NPAS2: variants seen among roughly 807,000 people sequenced by gnomAD.
NPAS2 encodes neuronal PAS domain protein 2, also known as neuronal PAS domain-containing protein 2.
Under a neutral mutation model 107.5 loss-of-function variants are expected in NPAS2, and 23 were observed. That is an observed-to-expected ratio of 0.21 (90% confidence interval 0.15 to 0.30). NPAS2 has a LOEUF of 0.30. NPAS2 is among the 10% of genes least tolerant of loss of function. NPAS2 has a pLI of 1.00. For missense variants in NPAS2, 756 were observed against 1,043.3 expected, an observed-to-expected ratio of 0.72 and a Z score of 3.79; for synonymous variants, 403 against 417.5, an observed-to-expected ratio of 0.97 and a Z score of 0.42.
intron 16 of NPAS2, 163 bp downstream of exon 16, chr2:100,982,540 C>T: frequency 1.3e-6 from 1 of 781,730 alleles, no homozygotes; most frequent in South Asian, 1.8e-5. Flanking sequence ...GGACAAGGAA[C>T]AAATCCCGGT....
At chr2:100,949,980 A>C (rs1675129349) in intron 7 of NPAS2, among the ~76,000 whole-genome samples, 1 of 152,240 alleles carries the variant, frequency 6.6e-6, no homozygotes, top group Admixed American at 6.5e-5. Context: ...GCATTGGATG[A>C]ATTATCAAGC....
intron 1 of NPAS2, among the ~76,000 whole-genome samples, chr2:100,843,447 T>C (rs1352448990): frequency 1.3e-5 from 2 of 152,120 alleles, no homozygotes; most frequent in African/African-American, 4.8e-5. Flanking sequence ...AAGAAGCACA[T>C]TTTTAGATAA....
chr2:100,834,230 AG>A (rs1282972810), intron 1 of NPAS2, among the ~76,000 whole-genome samples: 2 of 152,138 alleles, frequency 1.3e-5, no homozygotes, highest in African/African-American at 4.8e-5. Context: ...CATAAGAATG[AG>A]GCTTTCTGGG....
chr2:100,854,846 C>T (rs1024533864), intron 1 of NPAS2, among the ~76,000 whole-genome samples: 1 of 152,224 alleles, frequency 6.6e-6, no homozygotes, highest in Non-Finnish European at 1.5e-5. Flanking sequence ...CCTGTCTCTA[C>T]AGCTGTGCAC....
chr2:100,837,221 T>C (rs1677123454), intron 1 of NPAS2, among the ~76,000 whole-genome samples: 2 of 152,230 alleles, frequency 1.3e-5, no homozygotes. Context: ...CAAATGGATC[T>C]GACAGTCTAA....
At chr2:100,855,567 C>A (rs1046358144) in intron 1 of NPAS2, among the ~76,000 whole-genome samples, 3 of 152,152 alleles carry the variant, frequency 2.0e-5, no homozygotes, top group Non-Finnish European at 4.4e-5. Context: ...GCATTTATTC[C>A]ACAATCCAGA....
intron 1 of NPAS2, among the ~76,000 whole-genome samples, chr2:100,892,994 A>G (rs767360582): frequency 1.3e-5 from 2 of 152,220 alleles, no homozygotes; most frequent in Non-Finnish European, 2.9e-5. Context: ...CTGGGATTAC[A>G]GGCATGAGCC....
At chr2:100,864,574 G>A (rs1679142981) in intron 1 of NPAS2, among the ~76,000 whole-genome samples, 1 of 152,154 alleles carries the variant, frequency 6.6e-6, no homozygotes, top group Admixed American at 6.5e-5. Flanking sequence ...CAAGGAACAT[G>A]GCATTGAAAA....
At chr2:100,844,619 T>A (rs894778710) in intron 1 of NPAS2, among the ~76,000 whole-genome samples, 2 of 152,170 alleles carry the variant, frequency 1.3e-5, no homozygotes, top group African/African-American at 4.8e-5. Flanking sequence ...TCTTTTTCAT[T>A]TAGCTCTTAT....
chr2:100,881,654 C>T (rs891253279), intron 1 of NPAS2, among the ~76,000 whole-genome samples: 1 of 152,096 alleles, frequency 6.6e-6, no homozygotes, highest in African/African-American at 2.4e-5. Flanking sequence ...GCACTGCACT[C>T]CAGCCTGGGC....
chr2:100,920,650 C>T (rs1467855790), intron 2 of NPAS2, among the ~76,000 whole-genome samples: 1 of 152,136 alleles, frequency 6.6e-6, no homozygotes, highest in East Asian at 1.9e-4. Flanking sequence ...GTGTCCTCAC[C>T]CAAGGACCCA....
At chr2:100,974,122 G>A (rs997873741) in intron 12 of NPAS2, among the ~76,000 whole-genome samples, 2 of 152,242 alleles carry the variant, frequency 1.3e-5, no homozygotes, top group Non-Finnish European at 2.9e-5. Context: ...GATTACAGGC[G>A]TGAGCCACCG....
In NPAS2 at chr2:100,932,925, C is replaced by G; in HGVS notation, c.197C>G (p.Thr66Arg). 1 of 1,613,514 alleles carries G rather than the reference C, an allele frequency of 6.2e-7. No homozygotes were observed. The highest frequency in any genetic ancestry group is 8.5e-7 in the Non-Finnish European group (1 of 1,179,448). The change falls in exon 4 of 21, where the codon ACG (threonine) becomes AGG (arginine). Residue 66 changes from threonine to arginine, a missense_variant. This residue lies in a region of NPAS2 where 146 missense variants were observed against 249.6 expected (regional missense o/e 0.58). Transcript: ENST00000335681. The part of the protein sequence containing the change: ...LQKHNEVSAQ[T>R]EICDIQQDWK... Reference sequence around the variant, plus strand: ...TCTTTTCTAGAAGTCTCAGCGCAAACGGAAATCTGTGACATTCAGCAAGAC... The same window carrying G: ...TCTTTTCTAGAAGTCTCAGCGCAAAGGGAAATCTGTGACATTCAGCAAGAC...
chr2:100,929,789 T>C (rs1010538567), intron 3 of NPAS2, among the ~76,000 whole-genome samples: 11 of 152,152 alleles, frequency 7.2e-5, no homozygotes. Flanking sequence ...GATTCCGGTG[T>C]GCAGTGAGGG....
chr2:100,915,252 C>A (rs1034571511), intron 2 of NPAS2, among the ~76,000 whole-genome samples: 1 of 152,162 alleles, frequency 6.6e-6, no homozygotes, highest in Non-Finnish European at 1.5e-5. Context: ...TGAAACCCTG[C>A]TGCTTTCTTC....
chr2:100,993,572 G>A (rs767323053), intron 20 of NPAS2, 45 bp downstream of exon 20: 40 of 1,393,602 alleles, frequency 2.9e-5, no homozygotes, highest in South Asian at 1.4e-4. Context: ...CCTGGGAGCC[G>A]GGCCACGCTC....
At chr2:100,869,755 G>A (rs1410415995) in intron 1 of NPAS2, among the ~76,000 whole-genome samples, 2 of 152,062 alleles carry the variant, frequency 1.3e-5, no homozygotes, top group Non-Finnish European at 2.9e-5. Flanking sequence ...CCAAGGATGG[G>A]CTTCATCTCT....
chr2:100,934,485 C>T (rs952405050), intron 4 of NPAS2, among the ~76,000 whole-genome samples: 3 of 152,106 alleles, frequency 2.0e-5, no homozygotes, highest in Non-Finnish European at 2.9e-5. Flanking sequence ...ATGCACTTTC[C>T]CTTGCTCCCG....
In NPAS2 at chr2:100,864,268, G is replaced by A. The variant is rs181686912; in HGVS notation, c.-22-40465G>A. Reference sequence around the variant, plus strand: ...CTGAATGTCAGAAAAACATTTTGTGGTTATTGTTTTAGTTGTTTACCAAAT... The same window carrying A: ...CTGAATGTCAGAAAAACATTTTGTGATTATTGTTTTAGTTGTTTACCAAAT... On this transcript the variant is annotated intron_variant, in intron 1 of 20. Coordinates refer to ENST00000335681, the MANE Select transcript of NPAS2 (RefSeq NM_002518.4). Among the ~76,000 whole-genome samples the A allele has an allele frequency of 1.7e-3, 255 of 152,302 alleles. 1 individual carries two copies. The highest frequency in any genetic ancestry group is 5.8e-3 in the African/African-American group (242 of 41,570).
Sources: gnomAD v4.1 joint callset for allele counts (sites outside exome capture counted in the v4.1 genomes callset) on GRCh38, gnomAD v4.1.1 for gene constraint, gnomAD v4.1.1 regional missense constraint, MANE v1.5 for transcripts, NCBI Gene and HGNC (gene_info 2026-07-23, HGNC 2026-07-21) for gene names.